PHF19: variants seen among roughly 807,000 people sequenced by gnomAD.
PHF19 encodes polycomb like 3.
A neutral mutation model predicts 79.8 loss-of-function variants in PHF19; 21 were observed. That is an observed-to-expected ratio of 0.26 (90% CI 0.19 to 0.38). The LOEUF (loss-of-function observed/expected upper bound fraction) is 0.38, where lower values mean the gene tolerates loss of function less well. PHF19 is among the 10% of genes least tolerant of loss of function. The pLI, the probability that PHF19 is intolerant of heterozygous loss-of-function variation, is 1.00. For missense variants in PHF19, 445 were observed against 744.2 expected (o/e 0.60, Z 4.68); for synonymous variants, 273 against 296.3 (o/e 0.92, Z 0.81).
chr9:120,875,236 G>T (rs2046013316), intron 1 of PHF19, among the ~76,000 whole-genome samples: 1 of 152,192 alleles, frequency 6.6e-6, no homozygotes, highest in African/African-American at 2.4e-5. Flanking sequence ...ACCTAGAAAG[G>T]AAAACTGGGT....
chr9:120,860,396 T>C lies in PHF19; in HGVS notation c.1305-211A>G. On this transcript the variant is annotated intron_variant, in intron 13 of 14. Coordinates refer to ENST00000373896, the MANE Select transcript of PHF19 (RefSeq NM_015651.3). This position sits in a 1 kb window ranked among gnomAD's most constrained non-coding sequence, Gnocchi z 4.1. The stretch of plus-strand genomic sequence containing the variant: ...AAAAACCTCCTGGAGCACCCTCCCC[T>C]GGCGGTGACGTAAGCACTGGTGTCA... 1 of 542,590 alleles carries C rather than the reference T, an allele frequency of 1.8e-6. No homozygotes were observed. The highest frequency in any genetic ancestry group is 2.0e-5 in the South Asian group (1 of 50,032). The allele number at this position is 542,590 out of a possible 1,614,324, so 33.6% of individuals were successfully genotyped here. A position where few individuals can be genotyped will look rare whatever the true frequency, so the allele number is the denominator to read the frequency against.
At chr9:120,904,065 G>A in the PHF19 span, 1 of 152,258 alleles carries the variant, frequency 6.6e-6, no homozygotes, top group Admixed American at 6.5e-5. Context: ...CAGTTAATCA[G>A]GTGTTACGGG....
intron 3 of PHF19, among the ~76,000 whole-genome samples, chr9:120,873,757 C>T (rs1295163499): frequency 6.6e-6 from 1 of 152,216 alleles, no homozygotes; most frequent in Non-Finnish European, 1.5e-5. Context: ...GCCCATCCTC[C>T]CTCCTGGGGT....
chr9:120,861,977 T>C lies in PHF19; in HGVS notation c.1159A>G (p.Lys387Glu), dbSNP rs747428225. The C allele has an allele frequency of 6.2e-7, 1 of 1,614,014 alleles. No individual in the cohort carries two copies. The highest frequency in any genetic ancestry group is 1.1e-5 in the South Asian group (1 of 91,082). ...CTTTTTCTTCTATAAACTCGCCTTT[T>C]CTGCTGCTGGAATTCGTGAGGCAAC... Reference protein sequence around the residue: ...GLLPHEFQQQKRRVYRRKRSK... With the variant: ...GLLPHEFQQQERRVYRRKRSK... The change falls in exon 12 of 15, where the codon AAA (lysine) becomes GAA (glutamate). Residue 387 changes from lysine (K) to glutamate (E), a missense_variant. By Grantham distance (56) the Lys-to-Glu change is moderately conservative (BLOSUM62 1). This residue lies in a region of PHF19 where 83 missense variants were observed against 85.5 expected (regional missense o/e 0.97). Transcript: ENST00000373896.
Position 120,862,105 on chromosome 9 carries a change from G to A in PHF19, c.1131-100C>T, listed in dbSNP as rs2045546737. On this transcript the variant is annotated intron_variant, in intron 11 of 14. Coordinates refer to ENST00000373896, the MANE Select transcript of PHF19 (RefSeq NM_015651.3). This position sits in a 1 kb window ranked among gnomAD's most constrained non-coding sequence, Gnocchi z 4.6. ...GCAGGGGCGGGGGTCACAGCAGTTG[G>A]GGAGACAGGCTCTGAACACAGCTGC... 4.8e-6 allele frequency: 4 copies of A among 833,764 alleles called. No homozygotes were observed. Among genetic ancestry groups the A allele is most frequent in the South Asian group, 2.6e-5 (2 of 75,482 alleles). 51.6% of individuals were successfully genotyped at this position (833,764 alleles called of 1,614,324 possible).
rs1466414731 is a variant in PHF19, at chr9:120,877,151, G to A, written c.-76C>T. On this transcript the variant is annotated 5_prime_UTR_variant, in exon 1 of 15. Coordinates refer to ENST00000373896, the MANE Select transcript of PHF19 (RefSeq NM_015651.3). ...CTGGCCACCAGGCGCATCGGTGGCG[G>A]AGGCGGCTGCGCTCGGCCCGCGGCT... 1 of 984,902 alleles carries A rather than the reference G, an allele frequency of 1.0e-6. No homozygotes were observed. Among genetic ancestry groups the A allele is most frequent in the South Asian group, 4.7e-5 (1 of 21,438 alleles). 61.0% of individuals were successfully genotyped at this position (984,902 alleles called of 1,614,324 possible).
At position 120,870,022 on chromosome 9, in the gene PHF19, C is replaced by T. The variant is rs2045848705; in HGVS notation, c.365-77G>A. The T allele has an allele frequency of 1.3e-6, 2 of 1,520,266 alleles. No homozygotes were observed. The highest frequency in any genetic ancestry group is 8.8e-7 in the Non-Finnish European group (1 of 1,132,938). The allele number at this position is 1,520,266 out of a possible 1,614,324, so 94.2% of individuals were successfully genotyped here. On this transcript the variant is annotated intron_variant, in intron 4 of 14. Coordinates refer to ENST00000373896, the MANE Select transcript of PHF19 (RefSeq NM_015651.3). The surrounding 1 kb of genome is among the most constrained non-coding windows in gnomAD (Gnocchi z 4.4). ...GCCAGTTGGCCCAAAGGAGGCAGGG[C>T]TGGGAGGGCTGAGGGAAGTCCTAGG... is the stretch of plus-strand genomic sequence containing the variant.
Position 120,862,694 on chromosome 9 carries a change from G to A in PHF19, c.1024C>T (p.Arg342Cys). Residue 342 changes from arginine (R) to cysteine (C), a missense_variant, in exon 11 of 15, where the codon CGC becomes TGC. Transcript: ENST00000373896. This position sits in a 1 kb window ranked among gnomAD's most constrained non-coding sequence, Gnocchi z 4.6. ...TTCCCTGGCGGGTTGGGTGGGACGC[G>A]GATGCGCAGGCGGAAGATGCACTTC... ...KKKCIFRLRI[R>C]VPPNPPGKLL... 2 of 1,614,182 alleles carry A rather than the reference G, an allele frequency of 1.2e-6. No homozygotes were observed. Among genetic ancestry groups the A allele is most frequent in the African/African-American group, 1.3e-5 (1 of 75,056 alleles).
chr9:120,868,859 G>C, intron 6 of PHF19: 1 of 1,093,732 alleles, frequency 9.1e-7, no homozygotes. Context: ...CGCCTCCCGA[G>C]GCCTCGCCCC....
chr9:120,879,761 A>G (rs780330127), upstream of PHF19, among the ~76,000 whole-genome samples: 10 of 152,212 alleles, frequency 6.6e-5, no homozygotes, highest in Non-Finnish European at 1.3e-4. Flanking sequence ...GGTTGTGGAA[A>G]TAGGGAGGTG....
rs1325812025 is a variant in PHF19 at position 120,871,367 on chromosome 9, CAA to C, written c.269-831_269-830del. 2.0e-5 allele frequency among the ~76,000 whole-genome samples: 3 copies of C among 152,300 alleles called. No homozygotes were observed. The East Asian group carries it at 5.8e-4, about 29-fold the overall frequency. ...ATTTCAGTATGTATTTGTGAAAGAT[CAA>C]GACTCTTTTTAAAAAACATAATTAA... is the stretch of plus-strand genomic sequence containing the variant. On this transcript the variant is annotated intron_variant, in intron 3 of 14. Coordinates refer to ENST00000373896, the MANE Select transcript of PHF19 (RefSeq NM_015651.3).
intron 1 of PHF19, among the ~76,000 whole-genome samples, chr9:120,883,695 G>T (rs1429399622): frequency 6.6e-6 from 1 of 150,832 alleles, no homozygotes; most frequent in Non-Finnish European, 1.5e-5. Flanking sequence ...GGAGGCAGAG[G>T]TTGCAGTGAG....
intron 3 of PHF19, among the ~76,000 whole-genome samples, chr9:120,871,296 A>G (rs2045887428): frequency 6.6e-6 from 1 of 152,180 alleles, no homozygotes; most frequent in Admixed American, 6.5e-5. Context: ...CCTTCCTGTA[A>G]TTATTTTAAA....
Position 120,864,314 on chromosome 9 carries a change from T to C in PHF19, c.901-198A>G, listed in dbSNP as rs985407763. On this transcript the variant is annotated intron_variant, in intron 9 of 14. Coordinates refer to ENST00000373896, the MANE Select transcript of PHF19 (RefSeq NM_015651.3). ...ATTTGTAAATGGAGAGAATACTTCC[T>C]GACCTAACTGTATTGAGAGCTTTAA... 4.6e-5 allele frequency among the ~76,000 whole-genome samples: 7 copies of C among 152,360 alleles called. 1 individual carries two copies. In the East Asian group the frequency reaches 1.3e-3, roughly 29 times the overall value.
chr9:120,871,959 A>G (rs1410414251), intron 3 of PHF19, among the ~76,000 whole-genome samples: 2 of 139,764 alleles, frequency 1.4e-5, no homozygotes, highest in African/African-American at 5.2e-5. Context: ...AATCACTTGA[A>G]CCTGGGAGGC....
intron 1 of PHF19, among the ~76,000 whole-genome samples, chr9:120,893,640 C>T (rs536581014): frequency 2.6e-5 from 4 of 152,322 alleles, no homozygotes; most frequent in Admixed American, 6.5e-5. Flanking sequence ...GACAGATGCA[C>T]GCATGCTTTA....
intron 6 of PHF19, chr9:120,868,839 C>T: frequency 9.4e-7 from 1 of 1,063,344 alleles, no homozygotes; most frequent in Non-Finnish European, 1.1e-6. Context: ...CGGTCGCAAC[C>T]CGCCAGGCCC....
intron 3 of PHF19, among the ~76,000 whole-genome samples, chr9:120,873,016 T>C (rs1283768598): frequency 6.6e-6 from 1 of 152,192 alleles, no homozygotes; most frequent in Non-Finnish European, 1.5e-5. Context: ...CCAACCACCC[T>C]ATGAAGCCAG....
At position 120,857,934 on chromosome 9, in the gene PHF19, C is replaced by G; in HGVS notation, c.*10G>C. 1.3e-6 allele frequency: 2 copies of G among 1,531,544 alleles called. No homozygotes were observed. The highest frequency in any genetic ancestry group is 1.2e-5 in the South Asian group (1 of 82,744). The allele number at this position is 1,531,544 out of a possible 1,614,324, so 94.9% of individuals were successfully genotyped here. A position where few individuals can be genotyped will look rare whatever the true frequency, so the allele number is the denominator to read the frequency against. The stretch of plus-strand genomic sequence containing the variant: ...TGGTTTTCAGGACCCCTGGCACCCC[C>G]GGGGGCTAGTCAGTAAGGGGTGGTC... On this transcript the variant is annotated 3_prime_UTR_variant, in exon 15 of 15. Coordinates refer to ENST00000373896, the MANE Select transcript of PHF19 (RefSeq NM_015651.3).
Sources: gnomAD v4.1 joint callset for allele counts (sites outside exome capture counted in the v4.1 genomes callset) on GRCh38, gnomAD v4.1.1 for gene constraint, gnomAD v4.1.1 regional missense constraint, Gnocchi (gnomAD v3.1) non-coding constraint, MANE v1.5 for transcripts, NCBI Gene and HGNC (gene_info 2026-07-23, HGNC 2026-07-21) for gene names.